CFAP299: variants seen among roughly 807,000 people sequenced by gnomAD.
CFAP299 encodes the protein cilia- and flagella-associated protein 299.
In CFAP299, 21 loss-of-function variants were observed where a neutral mutation model predicts 27.0. That is an observed-to-expected ratio of 0.78 (90% CI 0.55 to 1.12). The LOEUF (loss-of-function observed/expected upper bound fraction) is 1.12. Ranked by LOEUF, CFAP299 falls within the 50% of genes most tolerant of loss-of-function variation. The pLI, the probability that CFAP299 is intolerant of heterozygous loss-of-function variation, is 0.00. For missense variants in CFAP299, 310 were observed against 276.6 expected (o/e 1.12, Z -0.86); for synonymous variants, 104 against 98.1 (o/e 1.06, Z -0.36).
chr4:80,739,743 C>T (rs1198977163), intron 3 of CFAP299, among the ~76,000 whole-genome samples: 2 of 151,624 alleles, frequency 1.3e-5, no homozygotes, highest in African/African-American at 4.8e-5. Flanking sequence ...TAGAGAAGTT[C>T]TCTGTTATCC....
chr4:80,654,663 A>G lies in CFAP299; in HGVS notation c.333+71480A>G, dbSNP rs79689250. On this transcript the variant is annotated intron_variant, in intron 3 of 5. Coordinates refer to ENST00000358105, the MANE Select transcript of CFAP299 (RefSeq NM_152770.3). ...CTCAGTTGCTTAGGCTGAAATGCACAGGCAATGATCATAGATCATAGCTTA... is the reference window on the plus strand; with the variant it reads ...CTCAGTTGCTTAGGCTGAAATGCACGGGCAATGATCATAGATCATAGCTTA... Among the ~76,000 whole-genome samples, 161 of 152,212 alleles carry G rather than the reference A, an allele frequency of 1.1e-3. 1 individual carries two copies. Among genetic ancestry groups the G allele is most frequent in the African/African-American group, 3.6e-3 (151 of 41,566 alleles).
intron 4 of CFAP299, among the ~76,000 whole-genome samples, chr4:80,896,510 T>C (rs979870171): frequency 4.0e-5 from 6 of 149,150 alleles, no homozygotes; most frequent in African/African-American, 1.0e-4. Context: ...ATGTGGCTTC[T>C]GTGGGCTTAC....
intron 2 of CFAP299, among the ~76,000 whole-genome samples, chr4:80,454,757 T>C (rs531809893): frequency 6.6e-6 from 1 of 151,776 alleles, no homozygotes; most frequent in Non-Finnish European, 1.5e-5. Context: ...AGAGAAAGAG[T>C]TTAAGTCACA....
chr4:80,420,280 C>A, intron 2 of CFAP299: 1 of 453,996 alleles, frequency 2.2e-6, no homozygotes, highest in Non-Finnish European at 4.4e-6. Context: ...AACCTGTTTC[C>A]ATCAATGCTG....
At chr4:80,628,521 A>G (rs1408903295) in intron 3 of CFAP299, among the ~76,000 whole-genome samples, 15 of 152,184 alleles carry the variant, frequency 9.9e-5, no homozygotes, top group Non-Finnish European at 1.5e-4. Flanking sequence ...CAGCAAAGAA[A>G]ACAACCAACA....
At chr4:80,427,236 AC>A (rs1426510617) in intron 2 of CFAP299, among the ~76,000 whole-genome samples, 1 of 152,158 alleles carries the variant, frequency 6.6e-6, no homozygotes, top group Non-Finnish European at 1.5e-5. Flanking sequence ...AGCTTATTTA[AC>A]CATATAATTC....
chr4:80,430,013 G>A (rs935173988), intron 2 of CFAP299, among the ~76,000 whole-genome samples: 1 of 151,934 alleles, frequency 6.6e-6, no homozygotes, highest in Non-Finnish European at 1.5e-5. Context: ...GTGCTATCTA[G>A]AATATGAAGC....
the CFAP299 span, among the ~76,000 whole-genome samples, chr4:80,322,144 C>T: frequency 3.3e-5 from 5 of 152,270 alleles, no homozygotes; most frequent in Admixed American, 1.3e-4. Flanking sequence ...AGTAAGCCCT[C>T]GGTTCTGTCC....
chr4:80,532,642 T>C (rs1406034031), intron 2 of CFAP299, among the ~76,000 whole-genome samples: 1 of 152,226 alleles, frequency 6.6e-6, no homozygotes, highest in African/African-American at 2.4e-5. Context: ...ATAGGTAAAT[T>C]ATATAAATCC....
intron 3 of CFAP299, among the ~76,000 whole-genome samples, chr4:80,588,592 T>A (rs560511302): frequency 6.6e-5 from 10 of 150,930 alleles, no homozygotes; most frequent in South Asian, 4.1e-4. Flanking sequence ...AGCCCAAATA[T>A]GATTTGGTGT....
intron 3 of CFAP299, among the ~76,000 whole-genome samples, chr4:80,737,691 GT>G (rs1266873693): frequency 6.6e-6 from 1 of 151,190 alleles, no homozygotes; most frequent in East Asian, 1.9e-4. Flanking sequence ...CTGGATGAAG[GT>G]TTATCAACTT....
chr4:80,669,393 T>C lies in CFAP299; in HGVS notation c.333+86210T>C, dbSNP rs144445051. Among the ~76,000 whole-genome samples, 766 of 151,970 alleles carry C rather than the reference T, an allele frequency of 5.0e-3. 5 individuals carry two copies. The highest frequency in any genetic ancestry group is 0.02 in the Middle Eastern group (6 of 294). The stretch of plus-strand genomic sequence containing the variant: ...GTCTCGAACTCCTGCCCTGAAGTGA[T>C]CCACCTGCTTAGACCTCCTAAAGTG... On this transcript the variant is annotated intron_variant, in intron 3 of 5. Coordinates refer to ENST00000358105, the MANE Select transcript of CFAP299 (RefSeq NM_152770.3).
intron 4 of CFAP299, among the ~76,000 whole-genome samples, chr4:80,890,875 G>A (rs1183312222): frequency 1.4e-5 from 2 of 141,382 alleles, no homozygotes; most frequent in Non-Finnish European, 3.1e-5. Flanking sequence ...AGAAGTGTCT[G>A]TTCATGTCCT....
At chr4:80,888,689 G>T (rs1734091845) in intron 4 of CFAP299, among the ~76,000 whole-genome samples, 2 of 151,872 alleles carry the variant, frequency 1.3e-5, no homozygotes, top group Non-Finnish European at 2.9e-5. Context: ...TCCTCTCATG[G>T]ATCATTCTCA....
chr4:80,801,374 T>C (rs1302833154), intron 3 of CFAP299, among the ~76,000 whole-genome samples: 1 of 151,962 alleles, frequency 6.6e-6, no homozygotes, highest in Non-Finnish European at 1.5e-5. Context: ...TTTTTATCAA[T>C]AAAATGGGTA....
intron 3 of CFAP299, among the ~76,000 whole-genome samples, chr4:80,865,849 C>G (rs1732691162): frequency 2.2e-5 from 3 of 134,378 alleles, no homozygotes; most frequent in African/African-American, 8.4e-5. Flanking sequence ...TGTTCTCACT[C>G]ACAGGTGGGA....
At chr4:80,869,744 C>G (rs1732969931) in intron 3 of CFAP299, among the ~76,000 whole-genome samples, 1 of 152,196 alleles carries the variant, frequency 6.6e-6, no homozygotes. Flanking sequence ...GATCTCCTTA[C>G]CTCGTGATCT....
At chr4:80,491,812 A>T (rs892019998) in intron 2 of CFAP299, among the ~76,000 whole-genome samples, 23 of 152,182 alleles carry the variant, frequency 1.5e-4, no homozygotes, top group African/African-American at 5.1e-4. Context: ...TTTCTTTGCC[A>T]TATTTTGAAA....
At chr4:80,424,224 T>C (rs531996490) in intron 2 of CFAP299, among the ~76,000 whole-genome samples, 1 of 152,340 alleles carries the variant, frequency 6.6e-6, no homozygotes, top group Admixed American at 6.5e-5. Flanking sequence ...ACTATGGCTC[T>C]TCCCTTAACC....
Sources: gnomAD v4.1 joint callset for allele counts (sites outside exome capture counted in the v4.1 genomes callset) on GRCh38, gnomAD v4.1.1 for gene constraint, MANE v1.5 for transcripts, NCBI Gene and HGNC (gene_info 2026-07-23, HGNC 2026-07-21) for gene names.